The following CLVS2 variants were observed in gnomAD, a reference collection of about 807,000 sequenced individuals.
The protein encoded by CLVS2 is clavesin 2.
A neutral mutation model predicts 29.0 loss-of-function variants in CLVS2; 19 were observed. The observed-to-expected ratio is 0.66, with a 90% CI of 0.46 to 0.96. CLVS2 has a LOEUF of 0.96. CLVS2 is among the 40% of genes least tolerant of loss of function. The pLI is 0.00. For synonymous variants in CLVS2, 161 were observed against 151.3 expected (o/e 1.06, Z -0.47); for missense variants, 294 against 404.1 (o/e 0.73, Z 2.34).
At chr6:123,004,136 G>A (rs2114299059) in intron 2 of CLVS2, among the ~76,000 whole-genome samples, 1 of 152,190 alleles carries the variant, frequency 6.6e-6, no homozygotes, top group East Asian at 1.9e-4. Flanking sequence ...ACTTTCTGAA[G>A]TCAAAGACTT....
At chr6:123,019,949 G>C (rs1258250447) in intron 3 of CLVS2, among the ~76,000 whole-genome samples, 1 of 133,962 alleles carries the variant, frequency 7.5e-6, no homozygotes, top group Non-Finnish European at 1.6e-5. Context: ...CAGATAATTA[G>C]AGTGAGACTC....
chr6:123,044,317 A>T (rs1162543034), intron 3 of CLVS2, among the ~76,000 whole-genome samples: 1 of 152,226 alleles, frequency 6.6e-6, no homozygotes, highest in Admixed American at 6.5e-5. Context: ...CTTAAACCAC[A>T]GTGTAAAACT....
At chr6:123,061,908 A>G (rs1000752799) in intron 5 of CLVS2, among the ~76,000 whole-genome samples, 5 of 152,104 alleles carry the variant, frequency 3.3e-5, no homozygotes, top group African/African-American at 9.7e-5. Flanking sequence ...TTTATTTTCT[A>G]TAAAGAAAAC....
intron 5 of CLVS2, among the ~76,000 whole-genome samples, chr6:123,062,092 C>T (rs912536104): frequency 6.6e-6 from 1 of 152,118 alleles, no homozygotes; most frequent in African/African-American, 2.4e-5. Context: ...GATAAAGTCC[C>T]TGCTTATGGA....
chr6:123,054,615 G>A (rs1029615100), intron 4 of CLVS2, among the ~76,000 whole-genome samples: 1 of 152,152 alleles, frequency 6.6e-6, no homozygotes. Context: ...AAATATGAAT[G>A]TGTTAGCTTA....
chr6:123,057,735 T>C (rs972432833), intron 5 of CLVS2, among the ~76,000 whole-genome samples: 3 of 152,190 alleles, frequency 2.0e-5, no homozygotes, highest in Non-Finnish European at 4.4e-5. Flanking sequence ...GCACAACTCC[T>C]TGGAGAGAAC....
chr6:123,024,721 T>C (rs998514881), intron 3 of CLVS2, among the ~76,000 whole-genome samples: 12 of 152,088 alleles, frequency 7.9e-5, no homozygotes, highest in African/African-American at 2.9e-4. Flanking sequence ...AAAATGGCGA[T>C]AATAAGATTT....
chr6:123,008,587 A>G (rs2114304915), intron 2 of CLVS2, among the ~76,000 whole-genome samples: 1 of 152,266 alleles, frequency 6.6e-6, no homozygotes, highest in South Asian at 2.1e-4. Context: ...ATAACATAAG[A>G]ATGGTCAACC....
At chr6:123,061,705 CA>C (rs983174566) in intron 5 of CLVS2, among the ~76,000 whole-genome samples, 2 of 152,044 alleles carry the variant, frequency 1.3e-5, no homozygotes, top group Non-Finnish European at 2.9e-5. Flanking sequence ...ATATTGTTTT[CA>C]AAAACAGTCA....
chr6:123,017,408 G>C (rs1423177477), intron 3 of CLVS2, among the ~76,000 whole-genome samples: 1 of 152,036 alleles, frequency 6.6e-6, no homozygotes, highest in Non-Finnish European at 1.5e-5. Flanking sequence ...TATTCATTCA[G>C]GCAGCCTGGA....
intron 3 of CLVS2, among the ~76,000 whole-genome samples, chr6:123,046,721 G>A (rs927936589): frequency 2.6e-5 from 4 of 151,858 alleles, no homozygotes; most frequent in East Asian, 3.9e-4. Flanking sequence ...AATAGCTGGT[G>A]TTCCTTTAGT....
intron 3 of CLVS2, among the ~76,000 whole-genome samples, chr6:123,011,757 A>G (rs1363912172): frequency 1.3e-5 from 2 of 151,934 alleles, no homozygotes; most frequent in Non-Finnish European, 2.9e-5. Flanking sequence ...ACATATTATT[A>G]TTTAGTGGTC....
chr6:123,017,392 G>T (rs1774853318), intron 3 of CLVS2, among the ~76,000 whole-genome samples: 1 of 152,016 alleles, frequency 6.6e-6, no homozygotes, highest in Non-Finnish European at 1.5e-5. Context: ...ACAGACTCGT[G>T]AACTGTATTC....
chr6:123,063,676 C>A lies in CLVS2; in HGVS notation c.899C>A (p.Ser300Tyr). ...GACGTTGGCTTTATCCTTTCCAGAT[C>A]TCAATCAGTAGTGGATCCTACAGTA... is the stretch of plus-strand genomic sequence containing the variant. ...KELSPKSMKR[S>Y]QSVVDPTVLK... The change falls in exon 6 of 6, where the codon TCT (serine) becomes TAT (tyrosine). Residue 300 changes from serine (S) to tyrosine (Y), a missense_variant and splice_region_variant. Ser to Tyr is a moderately radical substitution (Grantham distance 144). This residue lies in a region of CLVS2 where 82 missense variants were observed against 67.8 expected (regional missense o/e 1.21). Coordinates refer to ENST00000275162, the MANE Select transcript of CLVS2 (RefSeq NM_001010852.4). 1 of 1,597,528 alleles carries A rather than the reference C, an allele frequency of 6.3e-7. No homozygotes were observed. The highest frequency in any genetic ancestry group is 1.3e-5 in the African/African-American group (1 of 74,552).
At chr6:123,058,313 C>T (rs1348388354) in intron 5 of CLVS2, among the ~76,000 whole-genome samples, 1 of 152,120 alleles carries the variant, frequency 6.6e-6, no homozygotes, top group Non-Finnish European at 1.5e-5. Context: ...GGCACAGAGG[C>T]CCTTTCTCAG....
intron 3 of CLVS2, among the ~76,000 whole-genome samples, chr6:123,039,029 G>A (rs958348337): frequency 2.0e-5 from 3 of 152,010 alleles, no homozygotes; most frequent in Non-Finnish European, 4.4e-5. Context: ...CCAAACCCTC[G>A]CAGCACTGTT....
chr6:123,058,361 G>A (rs992226217), intron 5 of CLVS2, among the ~76,000 whole-genome samples: 14 of 152,078 alleles, frequency 9.2e-5, no homozygotes, highest in African/African-American at 3.1e-4. Flanking sequence ...AGCTGTCATC[G>A]GTGTCCACTA....
At chr6:123,013,012 A>G (rs1413082524) in intron 3 of CLVS2, among the ~76,000 whole-genome samples, 1 of 152,044 alleles carries the variant, frequency 6.6e-6, no homozygotes, top group Non-Finnish European at 1.5e-5. Flanking sequence ...CTGTGTCTGT[A>G]TCTGTGTCTG....
rs1177941013 is a variant in CLVS2, at chr6:123,068,575, A to G, written c.*4814A>G. On this transcript the variant is annotated 3_prime_UTR_variant, in exon 6 of 6. Coordinates refer to ENST00000275162, the MANE Select transcript of CLVS2 (RefSeq NM_001010852.4). ...AATTTTTCAATTTTTCAGATTTTAT[A>G]TTTGCTTAAACAATAAATAAAACTC... is the stretch of plus-strand genomic sequence containing the variant. 6.6e-6 allele frequency: 1 copy of G among 151,698 alleles called. No individual in the cohort carries two copies. The highest frequency in any genetic ancestry group is 2.4e-5 in the African/African-American group (1 of 41,388). 9.4% of individuals were successfully genotyped at this position (151,698 alleles called of 1,614,324 possible).
Sources: allele counts gnomAD v4.1 joint callset (sites outside exome capture counted in the v4.1 genomes callset), GRCh38; gene constraint gnomAD v4.1.1; regional missense constraint gnomAD v4.1.1; transcripts MANE v1.5; gene names NCBI Gene and HGNC (gene_info 2026-07-23, HGNC 2026-07-21).